Variants in STX8 observed in about 807,000 individuals in gnomAD.
STX8 encodes syntaxin 8, also known as syntaxin-8.
A neutral mutation model predicts 37.5 loss-of-function variants in STX8; 23 were observed. The observed-to-expected ratio is 0.61, with a 90% CI of 0.44 to 0.87. The LOEUF is 0.87. Ranked by LOEUF, STX8 falls within the 40% of genes least tolerant of loss-of-function variation. STX8 has a pLI of 0.00. For missense variants in STX8, 313 were observed against 284.7 expected (o/e 1.10, Z -0.71); for synonymous variants, 115 against 99.1 (o/e 1.16, Z -0.95).
chr17:9,533,888 T>C (rs914318984), intron 4 of STX8, among the ~76,000 whole-genome samples: 1 of 152,160 alleles, frequency 6.6e-6, no homozygotes, highest in Non-Finnish European at 1.5e-5. Context: ...TCAGAGACCA[T>C]AACCTCATCC....
At chr17:9,466,193 G>A (rs920970802) in intron 6 of STX8, among the ~76,000 whole-genome samples, 15 of 152,142 alleles carry the variant, frequency 9.9e-5, no homozygotes, top group Non-Finnish European at 1.8e-4. Context: ...GGATGGTCTC[G>A]ATCTCCTGAC....
chr17:9,431,010 T>TTTG (rs1350713639), intron 6 of STX8, among the ~76,000 whole-genome samples: 3 of 130,994 alleles, frequency 2.3e-5, no homozygotes, highest in Admixed American at 7.5e-5. Context: ...CAGGGGTTTT[T>TTTG]TTGTTGTTGT....
intron 7 of STX8, among the ~76,000 whole-genome samples, chr17:9,337,108 C>T (rs953123453): frequency 2.6e-5 from 4 of 152,122 alleles, no homozygotes; most frequent in East Asian, 3.8e-4. Context: ...TAAAACATGT[C>T]GTCCCTACAA....
intron 6 of STX8, among the ~76,000 whole-genome samples, chr17:9,403,726 A>T (rs1597650476): frequency 6.6e-6 from 1 of 151,890 alleles, no homozygotes; most frequent in Non-Finnish European, 1.5e-5. Context: ...GGCTCACTGC[A>T]ACCTCTGCCT....
intron 7 of STX8, among the ~76,000 whole-genome samples, chr17:9,358,121 C>T (rs1910944055): frequency 6.6e-6 from 1 of 152,080 alleles, no homozygotes. Flanking sequence ...CTTCAGGAGG[C>T]CAAGGTAGAT....
intron 5 of STX8, among the ~76,000 whole-genome samples, chr17:9,502,679 T>C (rs1329290855): frequency 6.6e-6 from 1 of 152,198 alleles, no homozygotes; most frequent in Non-Finnish European, 1.5e-5. Context: ...CAAAGTCTTA[T>C]ACATGAATGC....
intron 6 of STX8, among the ~76,000 whole-genome samples, chr17:9,380,605 C>T (rs1014204043): frequency 6.6e-6 from 1 of 151,450 alleles, no homozygotes; most frequent in East Asian, 1.9e-4. Context: ...ACATTTCAGT[C>T]GATGACCGAC....
intron 6 of STX8, among the ~76,000 whole-genome samples, chr17:9,483,560 T>G (rs1906439485): frequency 6.6e-6 from 1 of 152,180 alleles, no homozygotes; most frequent in African/African-American, 2.4e-5. Context: ...TCTAAACTTT[T>G]AACATGAAAA....
intron 4 of STX8, among the ~76,000 whole-genome samples, chr17:9,543,443 G>A (rs1399578185): frequency 2.0e-5 from 3 of 151,942 alleles, no homozygotes; most frequent in African/African-American, 7.2e-5. Flanking sequence ...ACAGGTGCCC[G>A]CCACCACAAC....
chr17:9,289,993 A>G (rs1343740520), intron 7 of STX8, among the ~76,000 whole-genome samples: 1 of 152,182 alleles, frequency 6.6e-6, no homozygotes, highest in Non-Finnish European at 1.5e-5. Flanking sequence ...TGAGTGCCTG[A>G]GCATGTGTGT....
At chr17:9,485,811 C>G (rs1246003709) in intron 6 of STX8, among the ~76,000 whole-genome samples, 1 of 152,120 alleles carries the variant, frequency 6.6e-6, no homozygotes, top group Non-Finnish European at 1.5e-5. Context: ...GTCTCAAACT[C>G]CTGACCTCAA....
At chr17:9,486,786 GA>G (rs1013539927) in intron 6 of STX8, among the ~76,000 whole-genome samples, 3 of 152,184 alleles carry the variant, frequency 2.0e-5, no homozygotes, top group African/African-American at 7.2e-5. Flanking sequence ...TTGAGCCTGG[GA>G]GATGGAGGAT....
At chr17:9,363,224 T>G (rs1475698338) in intron 7 of STX8, among the ~76,000 whole-genome samples, 1 of 152,236 alleles carries the variant, frequency 6.6e-6, no homozygotes, top group Non-Finnish European at 1.5e-5. Context: ...TGATTTTACA[T>G]GTGAAAAGAC....
At chr17:9,445,626 C>T (rs1904821196) in intron 6 of STX8, among the ~76,000 whole-genome samples, 1 of 151,814 alleles carries the variant, frequency 6.6e-6, no homozygotes, top group Non-Finnish European at 1.5e-5. Flanking sequence ...ATCGGAATAA[C>T]AGATCAAGCA....
At chr17:9,427,223 G>A (rs371892634) in intron 6 of STX8, among the ~76,000 whole-genome samples, 5 of 152,104 alleles carry the variant, frequency 3.3e-5, no homozygotes, top group Admixed American at 6.5e-5. Flanking sequence ...TGGCAGACCC[G>A]TTCCCAGGTG....
rs28371868 is a variant in STX8, at chr17:9,362,839, A to T, written c.643+15713T>A. On this transcript the variant is annotated intron_variant, in intron 7 of 7. Coordinates refer to ENST00000306357, the MANE Select transcript of STX8 (RefSeq NM_004853.3). The stretch of plus-strand genomic sequence containing the variant: ...GTGAGACTCCGTCTCAAAAAAAAAA[A>T]AAAATAAATAAATAAATAAATAAAT... 5.4e-5 allele frequency among the ~76,000 whole-genome samples: 8 copies of T among 146,798 alleles called. No individual in the cohort carries two copies. The South Asian group carries it at 6.5e-4, about 12-fold the overall frequency.
intron 7 of STX8, among the ~76,000 whole-genome samples, chr17:9,340,449 A>G (rs528726057): frequency 2.0e-5 from 3 of 152,336 alleles, no homozygotes; most frequent in African/African-American, 4.8e-5. Context: ...AATTTATAGT[A>G]CTTAAATTTA....
At chr17:9,559,760 A>ATATATATATATATTTTTTT in intron 2 of STX8, among the ~76,000 whole-genome samples, 8 of 24,490 alleles carry the variant, frequency 3.3e-4, no homozygotes, top group African/African-American at 5.7e-4. Context: ...ATATATATAT[A>ATATATATATATATTTTTTT]TTTTTTTTTT....
intron 6 of STX8, among the ~76,000 whole-genome samples, chr17:9,417,228 G>C (rs1175238923): frequency 6.6e-6 from 1 of 152,164 alleles, no homozygotes. Context: ...CTGTCTCAGT[G>C]AATTGGTTTT....
Sources: allele counts gnomAD v4.1 joint callset (sites outside exome capture counted in the v4.1 genomes callset), GRCh38; gene constraint gnomAD v4.1.1; transcripts MANE v1.5; gene names NCBI Gene and HGNC (gene_info 2026-07-23, HGNC 2026-07-21).